Variants in CELF2 observed in about 807,000 individuals in gnomAD.
CELF2 encodes CUG triplet repeat RNA-binding protein 2.
A neutral mutation model predicts 62.6 loss-of-function variants in CELF2; 8 were observed. The observed-to-expected ratio is 0.13, with a 90% CI of 0.07 to 0.23. The LOEUF (loss-of-function observed/expected upper bound fraction) is 0.23. CELF2 is among the 10% of genes least tolerant of loss of function. The pLI is 1.00. For synonymous variants in CELF2, 258 were observed against 250.0 expected (o/e 1.03, Z -0.30); for missense variants, 333 against 671.0 (o/e 0.50, Z 5.56).
chr10:10,903,407 G>A (rs1287701695), intron 1 of CELF2, among the ~76,000 whole-genome samples: 2 of 152,118 alleles, frequency 1.3e-5, no homozygotes, highest in African/African-American at 4.8e-5. Flanking sequence ...ACCCCTTACT[G>A]TAGAGAATTC....
At chr10:10,641,659 G>T in the CELF2 span, among the ~76,000 whole-genome samples, 3 of 152,076 alleles carry the variant, frequency 2.0e-5, no homozygotes, top group Non-Finnish European at 4.4e-5. Flanking sequence ...ATGTTGGCCA[G>T]GCTGGTCTCA....
rs1409837160 is a variant in CELF2, at chr10:10,995,834, C to T, written c.89+75835C>T. Among the ~76,000 whole-genome samples, 4 of 152,224 alleles carry T rather than the reference C, an allele frequency of 2.6e-5. No homozygotes were observed. The highest frequency in any genetic ancestry group is 2.1e-4 in the South Asian group (1 of 4,822). On this transcript the variant is annotated intron_variant, in intron 2 of 13. Transcript: ENST00000636488. This position sits in a 1 kb window ranked among gnomAD's most constrained non-coding sequence, Gnocchi z 4.7. The stretch of plus-strand genomic sequence containing the variant: ...GGGAAAGTGTTGTTCAACAGATTCT[C>T]GTCTCTCTGACAATGTAAACTCATG...
chr10:11,064,800 T>A (rs2067660540), intron 1 of CELF2, among the ~76,000 whole-genome samples: 1 of 152,182 alleles, frequency 6.6e-6, no homozygotes, highest in Non-Finnish European at 1.5e-5. Flanking sequence ...TAATGTGACC[T>A]GCAGTCAGAG....
At chr10:10,585,434 T>C in the CELF2 span, among the ~76,000 whole-genome samples, 1 of 72,036 alleles carries the variant, frequency 1.4e-5, no homozygotes, top group African/African-American at 5.6e-5. Flanking sequence ...AACTACATGA[T>C]GTATGTATAT....
At chr10:10,834,546 C>T (rs765189072) in intron 1 of CELF2, among the ~76,000 whole-genome samples, 2 of 152,190 alleles carry the variant, frequency 1.3e-5, no homozygotes, top group African/African-American at 2.4e-5. Flanking sequence ...CTAGAATTCT[C>T]ACAACTGCAT....
At chr10:11,034,083 G>C (rs7894864) in intron 1 of CELF2, among the ~76,000 whole-genome samples, 1 of 151,948 alleles carries the variant, frequency 6.6e-6, no homozygotes, top group African/African-American at 2.4e-5. Flanking sequence ...TACAAAAATT[G>C]TATGAAGTAT....
At chr10:10,564,682 G>GCA in the CELF2 span, among the ~76,000 whole-genome samples, 11,198 of 130,452 alleles carry the variant, frequency 0.086, 539 homozygotes, top group Non-Finnish European at 0.12. Flanking sequence ...ACGCACACAC[G>GCA]CACACACACA....
chr10:10,742,455 C>A, the CELF2 span, among the ~76,000 whole-genome samples: 1 of 151,878 alleles, frequency 6.6e-6, no homozygotes, highest in Non-Finnish European at 1.5e-5. Flanking sequence ...ATGGCAAAAC[C>A]CTGTCTTAAC....
At chr10:11,057,105 C>A (rs1030271553) in intron 1 of CELF2, among the ~76,000 whole-genome samples, 1 of 152,206 alleles carries the variant, frequency 6.6e-6, no homozygotes, top group Non-Finnish European at 1.5e-5. Flanking sequence ...ATCTGTGTAA[C>A]AGAGAAACAG....
chr10:10,590,486 T>C, the CELF2 span, among the ~76,000 whole-genome samples: 1 of 152,172 alleles, frequency 6.6e-6, no homozygotes, highest in African/African-American at 2.4e-5. Flanking sequence ...CAGTCCCAAA[T>C]TGAGAGTAAG....
intron 3 of CELF2, among the ~76,000 whole-genome samples, chr10:11,221,964 G>A (rs1005566637): frequency 2.0e-5 from 3 of 152,206 alleles, no homozygotes; most frequent in Admixed American, 6.5e-5. Flanking sequence ...TGATCCAATC[G>A]GAGGAGGCAG....
chr10:10,638,480 A>G, the CELF2 span, among the ~76,000 whole-genome samples: 1 of 152,370 alleles, frequency 6.6e-6, no homozygotes, highest in Non-Finnish European at 1.5e-5. Flanking sequence ...CTACTGGAAG[A>G]TCACAGCTCT....
the CELF2 span, among the ~76,000 whole-genome samples, chr10:10,760,365 C>T: frequency 6.6e-6 from 1 of 152,136 alleles, no homozygotes; most frequent in Admixed American, 6.5e-5. Flanking sequence ...CAGACTGGCA[C>T]CTGGAAGGAA....
chr10:11,328,808 G>A lies in CELF2; in HGVS notation c.1439-118G>A, dbSNP rs962552207. ...CGATCAGTTCCGCAGAGCTGTGCTG[G>A]GCCCGTGGGGCTGGCACCTCATGCT... is the stretch of plus-strand genomic sequence containing the variant. On this transcript the variant is annotated intron_variant, in intron 12 of 12. Transcript: ENST00000633077. The surrounding 1 kb of genome is among the most constrained non-coding windows in gnomAD (Gnocchi z 6.4). The A allele has an allele frequency of 6.0e-6, 7 of 1,171,900 alleles. No homozygotes were observed. In the African/African-American group the frequency reaches 1.1e-4, roughly 18 times the overall value. The allele number at this position is 1,171,900 out of a possible 1,614,324, so 72.6% of individuals were successfully genotyped here.
At chr10:11,123,214 G>T (rs2058090830) in intron 1 of CELF2, among the ~76,000 whole-genome samples, 1 of 152,016 alleles carries the variant, frequency 6.6e-6, no homozygotes, top group African/African-American at 2.4e-5. Flanking sequence ...ACTGTTTGGA[G>T]GTCCCAATTC....
At chr10:11,099,487 C>T (rs977175767) in intron 1 of CELF2, among the ~76,000 whole-genome samples, 3 of 151,738 alleles carry the variant, frequency 2.0e-5, no homozygotes, top group South Asian at 4.2e-4. Flanking sequence ...TGGCTCTTTA[C>T]GAGGTCTTTG....
chr10:10,665,231 G>A, the CELF2 span, among the ~76,000 whole-genome samples: 362 of 152,252 alleles, frequency 2.4e-3, 1 homozygote, highest in Middle Eastern at 0.02. Flanking sequence ...ATGCCCACAG[G>A]TGGAAAAAAA....
intron 1 of CELF2, among the ~76,000 whole-genome samples, chr10:11,149,774 T>G (rs1193176622): frequency 1.3e-5 from 2 of 152,190 alleles, no homozygotes; most frequent in African/African-American, 4.8e-5. Flanking sequence ...AAAAACAAGC[T>G]GATCGCTAAG....
chr10:10,694,316 G>T, the CELF2 span, among the ~76,000 whole-genome samples: 4 of 151,356 alleles, frequency 2.6e-5, no homozygotes, highest in African/African-American at 9.7e-5. Flanking sequence ...ATGTAGTTGA[G>T]CGGTTTTGAG....
Sources: gnomAD v4.1 joint callset for allele counts (sites outside exome capture counted in the v4.1 genomes callset) on GRCh38, gnomAD v4.1.1 for gene constraint, Gnocchi (gnomAD v3.1) non-coding constraint, MANE v1.5 for transcripts, NCBI Gene and HGNC (gene_info 2026-07-23, HGNC 2026-07-21) for gene names.